CRYBG1: variants seen among roughly 807,000 people sequenced by gnomAD.
The protein encoded by CRYBG1 is beta/gamma crystallin domain-containing protein 1.
In CRYBG1, 139 loss-of-function variants were observed where a neutral mutation model predicts 189.2. The ratio of observed to expected loss-of-function variants is 0.73; its 90% CI spans 0.64 to 0.85. The LOEUF (loss-of-function observed/expected upper bound fraction) is 0.85. CRYBG1 is among the 40% of genes least tolerant of loss of function. The pLI, the probability that CRYBG1 is intolerant of heterozygous loss-of-function variation, is 0.00. For synonymous variants in CRYBG1, 1,023 were observed against 1,017.1 expected, an observed-to-expected ratio of 1.01 and a Z score of -0.11; for missense variants, 2,611 against 2,675.8, an observed-to-expected ratio of 0.98 and a Z score of 0.53.
At chr6:106,557,412 T>C (rs974540522) in intron 17 of CRYBG1, among the ~76,000 whole-genome samples, 1 of 148,592 alleles carries the variant, frequency 6.7e-6, no homozygotes, top group Non-Finnish European at 1.5e-5. Context: ...GCTTTTATTT[T>C]TTTTTTTTTT....
chr6:106,551,231 T>G (rs1774397432), intron 13 of CRYBG1, among the ~76,000 whole-genome samples: 1 of 152,172 alleles, frequency 6.6e-6, no homozygotes, highest in African/African-American at 2.4e-5. Context: ...AAGAACATGC[T>G]CATAAGTATA....
chr6:106,500,249 A>G (rs1772973000), intron 2 of CRYBG1, among the ~76,000 whole-genome samples: 1 of 152,112 alleles, frequency 6.6e-6, no homozygotes, highest in South Asian at 2.1e-4. Flanking sequence ...ATTTTCCATA[A>G]TGGCTATACT....
chr6:106,469,820 A>G (rs1389061372), intron 2 of CRYBG1, among the ~76,000 whole-genome samples: 1 of 152,220 alleles, frequency 6.6e-6, no homozygotes, highest in Non-Finnish European at 1.5e-5. Context: ...GAAAGTCATT[A>G]TTTTTGTTAG....
chr6:106,520,889 C>A lies in CRYBG1; in HGVS notation c.3681C>A (p.Val1227=). 21 of 1,614,158 alleles carry A rather than the reference C, an allele frequency of 1.3e-5. No homozygotes were observed. The highest frequency in any genetic ancestry group is 1.8e-5 in the Non-Finnish European group (21 of 1,180,026). ...TCAATGACAAAGAGAACAGGGACGT[C>A]ACAAATGGTGGCATTAAGAGATCGA... is the stretch of plus-strand genomic sequence containing the variant. ...PEINDKENRD[V]TNGGIKRSRL... Residue 1227 remains valine, a synonymous_variant, in exon 4 of 22, where the codon GTC becomes GTA. Coordinates refer to ENST00000633556, the MANE Select transcript of CRYBG1 (RefSeq NM_001371242.2).
intron 2 of CRYBG1, among the ~76,000 whole-genome samples, chr6:106,482,652 G>C (rs1772493680): frequency 6.6e-6 from 1 of 152,128 alleles, no homozygotes; most frequent in South Asian, 2.1e-4. Context: ...GCGGGCACCT[G>C]TATTCCCAGC....
intron 8 of CRYBG1, among the ~76,000 whole-genome samples, chr6:106,537,886 A>G (rs1056845408): frequency 2.0e-5 from 3 of 152,214 alleles, no homozygotes; most frequent in African/African-American, 7.2e-5. Context: ...AAATCTCTGT[A>G]TAATTAGAGA....
intron 13 of CRYBG1, among the ~76,000 whole-genome samples, chr6:106,547,055 G>C (rs1774280119): frequency 6.6e-6 from 1 of 152,088 alleles, no homozygotes; most frequent in African/African-American, 2.4e-5. Flanking sequence ...CCTTTATAAA[G>C]TGCTGCTATT....
At position 106,519,346 on chromosome 6, in the gene CRYBG1, G is replaced by A. The variant is rs753508826; in HGVS notation, c.2138G>A (p.Gly713Glu). 6.2e-7 allele frequency: 1 copy of A among 1,614,128 alleles called. No homozygotes were observed. Among genetic ancestry groups the A allele is most frequent in the South Asian group, 1.1e-5 (1 of 91,072 alleles). The stretch of plus-strand genomic sequence containing the variant: ...CCTGCCTCTAGTAAAACGTTTGTTG[G>A]GAGGGCAAAGCTGAATTTAGCCAAA... ...NTPASSKTFVGRAKLNLAKKA... is the reference protein window; with the variant it reads ...NTPASSKTFVERAKLNLAKKA... The change falls in exon 4 of 22, where the codon GGG becomes GAG. Residue 713 changes from glycine to glutamate, a missense_variant. Around this residue, in one of 3 missense-constraint regions of CRYBG1, gnomAD observed 1,622 missense variants for 1,735.0 expected, o/e 0.93. Coordinates refer to ENST00000633556, the MANE Select transcript of CRYBG1 (RefSeq NM_001371242.2).
intron 1 of CRYBG1, among the ~76,000 whole-genome samples, chr6:106,423,223 T>C (rs1771160768): frequency 6.8e-6 from 1 of 146,856 alleles, no homozygotes; most frequent in South Asian, 2.2e-4. Context: ...GAAACTTGCC[T>C]CATCAAAGTA....
In CRYBG1 at chr6:106,375,228, T is replaced by C. The variant is rs569014924; in HGVS notation, c.173+14147T>C. On this transcript the variant is annotated intron_variant, in intron 1 of 21. Coordinates refer to ENST00000633556, the MANE Select transcript of CRYBG1 (RefSeq NM_001371242.2). ...TGAGACCCTGTCTCCATAAAAAAAA[T>C]TTTTGAAATTAGCCAGGCGTGGTGG... Among the ~76,000 whole-genome samples, 120 of 151,112 alleles carry C rather than the reference T, an allele frequency of 7.9e-4. 1 individual carries two copies. The highest frequency in any genetic ancestry group is 3.4e-3 in the Middle Eastern group (1 of 290).
intron 10 of CRYBG1, among the ~76,000 whole-genome samples, chr6:106,542,368 G>A (rs1310059522): frequency 1.4e-5 from 2 of 147,542 alleles, no homozygotes; most frequent in Non-Finnish European, 3.0e-5. Context: ...CTGAAGCCTC[G>A]ATTTCTCCAG....
At chr6:106,451,011 CTG>C (rs1340759691) in intron 1 of CRYBG1, among the ~76,000 whole-genome samples, 2 of 152,184 alleles carry the variant, frequency 1.3e-5, no homozygotes, top group African/African-American at 4.8e-5. Flanking sequence ...CGACTGACTA[CTG>C]GGGCTGGGAG....
At chr6:106,483,689 A>G (rs947782298) in intron 2 of CRYBG1, among the ~76,000 whole-genome samples, 9 of 151,644 alleles carry the variant, frequency 5.9e-5, no homozygotes, top group African/African-American at 2.2e-4. Context: ...GTTTTCTTTT[A>G]TCTTTTTGAT....
At chr6:106,483,007 C>T (rs1345059542) in intron 2 of CRYBG1, among the ~76,000 whole-genome samples, 1 of 152,076 alleles carries the variant, frequency 6.6e-6, no homozygotes, top group Non-Finnish European at 1.5e-5. Flanking sequence ...TCAAAAGCCT[C>T]TCTTCTAGCT....
chr6:106,446,956 A>C (rs1489050609), intron 1 of CRYBG1, among the ~76,000 whole-genome samples: 1 of 152,232 alleles, frequency 6.6e-6, no homozygotes, highest in Non-Finnish European at 1.5e-5. Context: ...AAGGAAACAT[A>C]ATTGAATGAA....
intron 2 of CRYBG1, among the ~76,000 whole-genome samples, chr6:106,495,055 A>T (rs1047859751): frequency 6.6e-6 from 1 of 152,206 alleles, no homozygotes; most frequent in South Asian, 2.1e-4. Flanking sequence ...CAAACTACCT[A>T]CTACTTCCTC....
Position 106,519,154 on chromosome 6 carries a change from A to T in CRYBG1, c.1946A>T (p.Glu649Val). 1 of 1,613,750 alleles carries T rather than the reference A, an allele frequency of 6.2e-7. No individual in the cohort carries two copies. The highest frequency in any genetic ancestry group is 8.5e-7 in the Non-Finnish European group (1 of 1,179,880). The change falls in exon 4 of 22, where the codon GAA becomes GTA. Residue 649 changes from glutamate (E) to valine (V), a missense_variant. This residue lies in a region of CRYBG1 where 985 missense variants were observed against 924.4 expected (regional missense o/e 1.07). Transcript: ENST00000633556. The stretch of plus-strand genomic sequence containing the variant: ...AGCCCTGCCAAGCCCAAACATGTGG[A>T]ACTAAATCTTAAAACCCCTAAGAAT... Reference protein sequence around the residue: ...VTLPAKPKHVELNLKTPKNLD... With the variant: ...VTLPAKPKHVVLNLKTPKNLD...
chr6:106,561,857 T>C (rs1269892326), intron 20 of CRYBG1, among the ~76,000 whole-genome samples: 4 of 152,262 alleles, frequency 2.6e-5, no homozygotes, highest in Admixed American at 1.3e-4. Context: ...TCTTGGTTTG[T>C]TTTGGGGAAA....
chr6:106,438,944 A>T (rs1355002302), intron 1 of CRYBG1, among the ~76,000 whole-genome samples: 1 of 152,046 alleles, frequency 6.6e-6, no homozygotes, highest in African/African-American at 2.4e-5. Context: ...TCATGCCCGT[A>T]ATCCCAAAAT....
Sources: allele counts gnomAD v4.1 joint callset (sites outside exome capture counted in the v4.1 genomes callset), GRCh38; gene constraint gnomAD v4.1.1; regional missense constraint gnomAD v4.1.1; transcripts MANE v1.5; gene names NCBI Gene and HGNC (gene_info 2026-07-23, HGNC 2026-07-21).